Variants in FBXL3 observed in about 807,000 individuals in gnomAD.
The protein encoded by FBXL3 is F-box and leucine rich repeat protein 3, also known as F-box/LRR-repeat protein 3.
FBXL3 carries 14 observed loss-of-function variants against 37.9 expected under a neutral mutation model. The observed-to-expected ratio is 0.37, with a 90% CI of 0.24 to 0.58. FBXL3 has a LOEUF of 0.58. FBXL3 is among the 20% of genes least tolerant of loss of function. FBXL3 has a pLI of 0.74. For synonymous variants in FBXL3, 194 were observed against 180.1 expected (o/e 1.08, Z -0.62); for missense variants, 327 against 511.1 (o/e 0.64, Z 3.47).
At position 77,012,336 on chromosome 13, in the gene FBXL3, GCA is replaced by G. The variant is rs2034569435; in HGVS notation, c.643+3071_643+3072del. The stretch of plus-strand genomic sequence containing the variant: ...TTGGAAAAAAAAAATATGGCAAAAA[GCA>G]CAAAGACCTTTGTCCTAGGACTTCC... On this transcript the variant is annotated intron_variant, in intron 4 of 4. Transcript: ENST00000355619. 2.0e-5 allele frequency among the ~76,000 whole-genome samples: 3 copies of G among 151,892 alleles called. 1 individual carries two copies. The highest frequency in any genetic ancestry group is 2.0e-4 in the Admixed American group (3 of 15,254).
At chr13:77,022,861 G>A (rs1050655219) in intron 1 of FBXL3, among the ~76,000 whole-genome samples, 3 of 152,158 alleles carry the variant, frequency 2.0e-5, no homozygotes, top group Non-Finnish European at 4.4e-5. Flanking sequence ...CAAGCTCCTT[G>A]GGTTTGAATT....
intron 1 of FBXL3, among the ~76,000 whole-genome samples, chr13:77,022,408 C>T (rs774457936): frequency 5.4e-4 from 82 of 152,158 alleles, no homozygotes; most frequent in Non-Finnish European, 8.4e-4. Flanking sequence ...ACAGTCTGAA[C>T]TCCTCCTCCT....
At position 77,007,256 on chromosome 13, in the gene FBXL3, A is replaced by T. The variant is rs372087180; in HGVS notation, c.1176T>A (p.Ile392=). The T allele has an allele frequency of 2.5e-6, 4 of 1,614,000 alleles. No homozygotes were observed. The African/African-American group carries it at 4.0e-5, about 16-fold the overall frequency. ...GGTCAGGAATTAGTACTTCTTCCAT[A>T]ATGGATAATTGAGATAGGCGGCCAC... ...MCGGRLSQLS[I]MEEVLIPDQK... is the part of the protein sequence containing the mutation. Residue 392 remains isoleucine, a synonymous_variant, in exon 5 of 5, where the codon ATT becomes ATA. Transcript: ENST00000355619.
chr13:77,007,170 A>G lies in FBXL3; in HGVS notation c.1262T>C (p.Phe421Ser). The change falls in exon 5 of 5, where the codon TTT becomes TCT. Residue 421 changes from phenylalanine to serine, a missense_variant. Coordinates refer to ENST00000355619, the MANE Select transcript of FBXL3 (RefSeq NM_012158.4). Reference protein sequence around the residue: ...EVSKHLGRVWFPDMMPTW With the variant: ...EVSKHLGRVWSPDMMPTW ...TTACCAAGTGGGCATCATGTCGGGA[A>G]ACCACACCCTACCAAGATGCTTGGA... 1 of 1,607,888 alleles carries G rather than the reference A, an allele frequency of 6.2e-7. No homozygotes were observed. Among genetic ancestry groups the G allele is most frequent in the East Asian group, 2.2e-5 (1 of 44,754 alleles).
intron 4 of FBXL3, chr13:77,009,620 G>C (rs1368336768): frequency 2.0e-5 from 3 of 152,220 alleles, no homozygotes; most frequent in Non-Finnish European, 4.4e-5. Flanking sequence ...TGCTGGAGAG[G>C]ATATGGAGAA....
chr13:77,006,968 G>C lies in FBXL3; in HGVS notation c.*177C>G, dbSNP rs144603004. 475 of 1,406,588 alleles carry C rather than the reference G, an allele frequency of 3.4e-4. 6 individuals are homozygous for C. In the African/African-American group the frequency reaches 6.0e-3, roughly 18 times the overall value. 87.1% of individuals were successfully genotyped at this position (1,406,588 alleles called of 1,614,324 possible). Reference sequence around the variant, plus strand: ...TGCTATTACACTAAGGAAACAAGTGGAATTTTCTGACCAAAACTCATTCAT... The same window carrying C: ...TGCTATTACACTAAGGAAACAAGTGCAATTTTCTGACCAAAACTCATTCAT... On this transcript the variant is annotated 3_prime_UTR_variant, in exon 5 of 5. Transcript: ENST00000355619.
At chr13:77,023,528 T>C (rs1403415533) in intron 1 of FBXL3, among the ~76,000 whole-genome samples, 1 of 152,210 alleles carries the variant, frequency 6.6e-6, no homozygotes, top group Non-Finnish European at 1.5e-5. Flanking sequence ...CACATTTTCT[T>C]TTACTATCAA....
intron 3 of FBXL3, chr13:77,016,389 A>C (rs2034643070): frequency 6.6e-6 from 1 of 152,214 alleles, no homozygotes. Context: ...TGGGCAAAGA[A>C]TCTAGGAGAG....
chr13:77,014,269 G>A (rs557343502), intron 4 of FBXL3: 17 of 152,396 alleles, frequency 1.1e-4, no homozygotes, highest in African/African-American at 3.1e-4. Flanking sequence ...AAAGCTCCAC[G>A]TGAGTGACCA....
At chr13:77,008,942 G>T (rs1299488523) in intron 4 of FBXL3, 1 of 152,140 alleles carries the variant, frequency 6.6e-6, no homozygotes, top group East Asian at 1.9e-4. Context: ...TAGAAACAGG[G>T]ATAGGAACAA....
In FBXL3 at chr13:77,021,753, CCAATCA is replaced by C. The variant is rs2034747929; in HGVS notation, c.102_107del (p.Cys34_Asp35del). On this transcript the variant is annotated inframe_deletion, in exon 2 of 5. Coordinates refer to ENST00000355619, the MANE Select transcript of FBXL3 (RefSeq NM_012158.4). The stretch of plus-strand genomic sequence containing the variant: ...GAATAATGTCCTGAAGGAGATTACC[CCAATCA>C]CAAGTCTGAGAATGCTCATTTGTAG... The C allele has an allele frequency of 6.2e-7, 1 of 1,613,628 alleles. No homozygotes were observed. The highest frequency in any genetic ancestry group is 1.3e-5 in the African/African-American group (1 of 74,896).
At chr13:77,010,095 G>A (rs2034521803) in intron 4 of FBXL3, 1 of 152,214 alleles carries the variant, frequency 6.6e-6, no homozygotes. Context: ...ACACGCTGGT[G>A]CCTGTCGGGA....
At chr13:77,022,352 C>A (rs2034760336) in intron 1 of FBXL3, among the ~76,000 whole-genome samples, 2 of 152,164 alleles carry the variant, frequency 1.3e-5, no homozygotes, top group South Asian at 4.1e-4. Context: ...GTGGTTCTGG[C>A]CTGAGGACCA....
chr13:77,007,319 G>T lies in FBXL3; in HGVS notation c.1113C>A (p.Val371=), dbSNP rs769440607. ...LSAIGLGECE[V]SCSAFVEFVK... ...CAAACTCAACAAAGGCACTACATGA[G>T]ACTTCACATTCCCCTAGTCCAATAG... Residue 371 remains valine (V), a synonymous_variant, in exon 5 of 5, where the codon GTC becomes GTA. Coordinates refer to ENST00000355619, the MANE Select transcript of FBXL3 (RefSeq NM_012158.4). The T allele has an allele frequency of 1.2e-6, 2 of 1,614,094 alleles. No homozygotes were observed. The highest frequency in any genetic ancestry group is 1.7e-6 in the Non-Finnish European group (2 of 1,180,012).
intron 4 of FBXL3, chr13:77,013,625 A>T (rs1259603101): frequency 6.6e-6 from 1 of 152,164 alleles, no homozygotes; most frequent in Admixed American, 6.5e-5. Context: ...TTCCATCTCC[A>T]AACTGACCAA....
At position 77,006,757 on chromosome 13, in the gene FBXL3, A is replaced by C; in HGVS notation, c.*388T>G. ...ATAACAGGTGTATGTGTAACTGAAG[A>C]CCCTAAAATGTCAAGTTTACATTTT... On this transcript the variant is annotated 3_prime_UTR_variant, in exon 5 of 5. Coordinates refer to ENST00000355619, the MANE Select transcript of FBXL3 (RefSeq NM_012158.4). 1 of 957,356 alleles carries C rather than the reference A, an allele frequency of 1.0e-6. No homozygotes were observed. Among genetic ancestry groups the C allele is most frequent in the Non-Finnish European group, 1.3e-6 (1 of 796,648 alleles). The allele number at this position is 957,356 out of a possible 1,614,324, so 59.3% of individuals were successfully genotyped here.
In FBXL3 at chr13:77,006,821, T is replaced by C. The variant is rs2034459362; in HGVS notation, c.*324A>G. 9.4e-7 allele frequency: 1 copy of C among 1,065,820 alleles called. No homozygotes were observed. The highest frequency in any genetic ancestry group is 1.1e-6 in the Non-Finnish European group (1 of 878,714). The allele number at this position is 1,065,820 out of a possible 1,614,324, so 66.0% of individuals were successfully genotyped here. A position where few individuals can be genotyped will look rare whatever the true frequency, so the allele number is the denominator to read the frequency against. On this transcript the variant is annotated 3_prime_UTR_variant, in exon 5 of 5. Coordinates refer to ENST00000355619, the MANE Select transcript of FBXL3 (RefSeq NM_012158.4). Reference sequence around the variant, plus strand: ...AGAGAATATAACATTTCAGAAAACCTATTAGTACTTCTTGGATATTATAAC... The same window carrying C: ...AGAGAATATAACATTTCAGAAAACCCATTAGTACTTCTTGGATATTATAAC...
At position 77,005,541 on chromosome 13, in the gene FBXL3, G is replaced by A. The variant is rs2034435831; in HGVS notation, c.*1604C>T. On this transcript the variant is annotated 3_prime_UTR_variant, in exon 5 of 5. Coordinates refer to ENST00000355619, the MANE Select transcript of FBXL3 (RefSeq NM_012158.4). ...ATCAGAGCTTTTTACTATTTAGAAG[G>A]AGGGGATATATTACTATAATTGCTG... is the stretch of plus-strand genomic sequence containing the variant. 6.6e-6 allele frequency: 1 copy of A among 152,540 alleles called. No individual in the cohort carries two copies. Among genetic ancestry groups the A allele is most frequent in the Non-Finnish European group, 1.5e-5 (1 of 67,988 alleles). The allele number at this position is 152,540 out of a possible 1,614,324, so 9.4% of individuals were successfully genotyped here.
At chr13:77,020,327 C>G (rs1019473775) in intron 2 of FBXL3, among the ~76,000 whole-genome samples, 10 of 152,246 alleles carry the variant, frequency 6.6e-5, no homozygotes, top group African/African-American at 2.4e-4. Flanking sequence ...TTTGTAAAAC[C>G]TGGCAATCAG....
Sources: gnomAD v4.1 joint callset for allele counts (sites outside exome capture counted in the v4.1 genomes callset) on GRCh38, gnomAD v4.1.1 for gene constraint, MANE v1.5 for transcripts, NCBI Gene and HGNC (gene_info 2026-07-23, HGNC 2026-07-21) for gene names.